ABCA13: variants seen among roughly 807,000 people sequenced by gnomAD.
The protein encoded by ABCA13 is ATP-binding cassette sub-family A member 13.
Under a neutral mutation model 478.7 loss-of-function variants are expected in ABCA13, and 476 were observed. The ratio of observed to expected loss-of-function variants is 0.99; its 90% CI spans 0.92 to 1.07. ABCA13 has a LOEUF of 1.07. Ranked by LOEUF, ABCA13 falls within the 50% of genes least tolerant of loss-of-function variation. The probability of loss-of-function intolerance (pLI) is 0.00; values close to 1 mark genes in which losing one functional copy is unlikely to be tolerated. For synonymous variants in ABCA13, 2,252 were observed against 2,158.9 expected (o/e 1.04, Z -1.20); for missense variants, 6,060 against 5,910.6 (o/e 1.03, Z -0.83).
chr7:48,584,001 A>G (rs148834367), intron 56 of ABCA13, among the ~76,000 whole-genome samples: 201 of 152,328 alleles, frequency 1.3e-3, no homozygotes, highest in African/African-American at 4.7e-3. Context: ...AAAACATGAC[A>G]TATGTTTCCT....
chr7:48,279,945 T>C (rs1199291526), intron 18 of ABCA13, 25 bp downstream of exon 18: 2 of 1,500,000 alleles, frequency 1.3e-6, no homozygotes, highest in African/African-American at 1.4e-5. Flanking sequence ...GAATTCACTT[T>C]GTTTTTTTCT....
chr7:48,345,434 G>A (rs1306704040), intron 29 of ABCA13, among the ~76,000 whole-genome samples: 2 of 152,164 alleles, frequency 1.3e-5, no homozygotes, highest in African/African-American at 2.4e-5. Flanking sequence ...GGGACAAGAG[G>A]TGGAGGTGGA....
chr7:48,392,063 C>A lies in ABCA13; in HGVS notation c.11797C>A (p.Arg3933=), dbSNP rs755420119. 2 of 1,613,792 alleles carry A rather than the reference C, an allele frequency of 1.2e-6. No individual in the cohort carries two copies. Among genetic ancestry groups the A allele is most frequent in the African/African-American group, 1.3e-5 (1 of 74,890 alleles). ...QDILLDNLTV[R]EHLLLFASIK... ...CATCCTGTTGGACAACCTCACCGTC[C>A]GGGAACATTTGCTGCTCTTTGCTTC... The change falls in exon 38 of 62, where the codon CGG becomes AGG. Residue 3933 remains arginine (R), a synonymous_variant. Coordinates refer to ENST00000435803, the MANE Select transcript of ABCA13 (RefSeq NM_152701.5).
At chr7:48,372,871 C>T (rs953848123) in intron 33 of ABCA13, among the ~76,000 whole-genome samples, 5 of 152,178 alleles carry the variant, frequency 3.3e-5, no homozygotes, top group Non-Finnish European at 5.9e-5. Flanking sequence ...TTATGAATTA[C>T]ATCACATTAA....
In ABCA13 at chr7:48,580,907, A is replaced by AC. The variant is rs537582996; in HGVS notation, c.14505+538dup. On this transcript the variant is annotated intron_variant, in intron 56 of 61. Transcript: ENST00000435803. ...GAATGAAGGAGTGGCAGAAACTGAG[A>AC]CCCCCACCTCCATCACTGCCTGTGA... 3.7e-4 allele frequency among the ~76,000 whole-genome samples: 56 copies of AC among 151,704 alleles called. No individual in the cohort carries two copies. The East Asian group carries it at 7.6e-3, about 21-fold the overall frequency.
chr7:48,196,118 G>A (rs1797895280), intron 2 of ABCA13, among the ~76,000 whole-genome samples: 1 of 152,152 alleles, frequency 6.6e-6, no homozygotes, highest in Non-Finnish European at 1.5e-5. Context: ...AATTGTGAAT[G>A]ATTTAGTTGT....
rs148629439 is a variant in ABCA13, at chr7:48,295,854, A to C, written c.9110A>C (p.His3037Pro). Residue 3037 changes from histidine (H) to proline (P), a missense_variant, in exon 21 of 62, where the codon CAC becomes CCC. Transcript: ENST00000435803. ...SQPRLETVQQ[H>P]LYMLAKSLEE... is the part of the protein sequence containing the mutation. ...CCGAGGCTGGAGACGGTGCAGCAGC[A>C]CTTGTACATGTATGCTCTGATATTC... The C allele has an allele frequency of 4.3e-6, 7 of 1,611,322 alleles. No individual in the cohort carries two copies. Among genetic ancestry groups the C allele is most frequent in the Middle Eastern group, 1.6e-4 (1 of 6,070 alleles).
At chr7:48,355,161 A>C (rs1809685540) in intron 31 of ABCA13, among the ~76,000 whole-genome samples, 1 of 149,540 alleles carries the variant, frequency 6.7e-6, no homozygotes, top group African/African-American at 2.4e-5. Flanking sequence ...GGAAGCAGGA[A>C]GTGCCGTGGA....
intron 29 of ABCA13, among the ~76,000 whole-genome samples, chr7:48,346,372 T>G (rs1584947447): frequency 6.6e-6 from 1 of 152,156 alleles, no homozygotes; most frequent in East Asian, 1.9e-4. Context: ...GCAGTTAAAT[T>G]GTTTAACCAC....
chr7:48,539,147 G>A (rs1213493063), intron 55 of ABCA13, among the ~76,000 whole-genome samples: 1 of 152,124 alleles, frequency 6.6e-6, no homozygotes, highest in African/African-American at 2.4e-5. Context: ...TTGGGAGGCT[G>A]TGGCGGGCGA....
In ABCA13 at chr7:48,248,161, A is replaced by G. The variant is rs1584428017; in HGVS notation, c.1660-78A>G. On this transcript the variant is annotated intron_variant, in intron 13 of 61. Coordinates refer to ENST00000435803, the MANE Select transcript of ABCA13 (RefSeq NM_152701.5). ...GAGTGGACCCCTTGTTTAGTGATAC[A>G]GGGTCAAGGCTGCGTCTCAAATACC... The G allele has an allele frequency of 2.5e-6, 3 of 1,222,880 alleles. No individual in the cohort carries two copies. In the East Asian group the frequency reaches 7.6e-5, roughly 31 times the overall value. The allele number at this position is 1,222,880 out of a possible 1,614,324, so 75.8% of individuals were successfully genotyped here. A position where few individuals can be genotyped will look rare whatever the true frequency, so the allele number is the denominator to read the frequency against.
rs780760746 is a variant in ABCA13, at chr7:48,335,499, G to A, written c.10077G>A (p.Gln3359=). ...TGCTGGAAATGTCCAGCCTTTTCCA[G>A]AGAAGTGGAAGTGGCCAGATGTTCA... ...ETLLEMSSLF[Q]RSGSGQMFNQ... Residue 3359 remains glutamine, a synonymous_variant, in exon 28 of 62, where the codon CAG becomes CAA. Coordinates refer to ENST00000435803, the MANE Select transcript of ABCA13 (RefSeq NM_152701.5). 2.2e-5 allele frequency: 36 copies of A among 1,613,574 alleles called. No individual in the cohort carries two copies. Among genetic ancestry groups the A allele is most frequent in the Middle Eastern group, 1.6e-4 (1 of 6,084 alleles).
chr7:48,201,936 C>T (rs1238229002), intron 3 of ABCA13, among the ~76,000 whole-genome samples: 1 of 151,606 alleles, frequency 6.6e-6, no homozygotes, highest in East Asian at 1.9e-4. Context: ...GTCTCGCTGG[C>T]TCAGGAGTGA....
At position 48,272,134 on chromosome 7, in the gene ABCA13, T is replaced by C. The variant is rs1270083274; in HGVS notation, c.2468T>C (p.Ile823Thr). Residue 823 changes from isoleucine (I) to threonine (T), a missense_variant, in exon 17 of 62, where the codon ATA becomes ACA. Physicochemically the swap from Ile to Thr is moderately conservative, Grantham distance 89 (BLOSUM62 -1). Coordinates refer to ENST00000435803, the MANE Select transcript of ABCA13 (RefSeq NM_152701.5). ...RKEPKNLLRF[I>T]ELILFEINPK... ...GAACCAAAAAATCTTTTGAGATTCATAGAATTAATACTTTTTGAAATTAAT... is the reference window on the plus strand; with the variant it reads ...GAACCAAAAAATCTTTTGAGATTCACAGAATTAATACTTTTTGAAATTAAT... 2.5e-6 allele frequency: 4 copies of C among 1,613,330 alleles called. No individual in the cohort carries two copies. Among genetic ancestry groups the C allele is most frequent in the Non-Finnish European group, 3.4e-6 (4 of 1,179,592 alleles).
chr7:48,230,065 C>T (rs1047610797), intron 7 of ABCA13, 110 bp downstream of exon 7: 1 of 1,298,538 alleles, frequency 7.7e-7, no homozygotes, highest in African/African-American at 1.5e-5. Context: ...ATTAAAATTT[C>T]AAATTCAAAA....
chr7:48,335,583 G>C, intron 28 of ABCA13, 48 bp downstream of exon 28: 3 of 1,481,248 alleles, frequency 2.0e-6, no homozygotes, highest in Non-Finnish European at 2.8e-6. Flanking sequence ...TACTGCTAGG[G>C]CATGTCCGAG....
At chr7:48,551,886 C>T (rs117646087) in intron 55 of ABCA13, among the ~76,000 whole-genome samples, 3 of 151,764 alleles carry the variant, frequency 2.0e-5, no homozygotes, top group Non-Finnish European at 2.9e-5. Context: ...TGGGCATTAT[C>T]CTACTGTCTT....
chr7:48,417,524 T>TA (rs1244155905), intron 41 of ABCA13, among the ~76,000 whole-genome samples: 1 of 151,920 alleles, frequency 6.6e-6, no homozygotes, highest in Non-Finnish European at 1.5e-5. Context: ...ATTTTAATTT[T>TA]AAAAACCTTT....
chr7:48,276,426 G>A lies in ABCA13; in HGVS notation c.6760G>A (p.Val2254Ile). 6.4e-7 allele frequency: 1 copy of A among 1,569,928 alleles called. No homozygotes were observed. ...GCAGTCAGAAACTAGTAGGAAAACA[G>A]TTCTCTCTCTGAGAAGCATAGTAGA... ...HMQSETSRKT[V>I]LSLRSIVDFT... is the part of the protein sequence containing the mutation. The change falls in exon 17 of 62, where the codon GTT (valine) becomes ATT (isoleucine). Residue 2254 changes from valine (V) to isoleucine (I), a missense_variant. By Grantham distance (29) the Val-to-Ile change is conservative. Transcript: ENST00000435803.
Sources: gnomAD v4.1 joint callset for allele counts (sites outside exome capture counted in the v4.1 genomes callset) on GRCh38, gnomAD v4.1.1 for gene constraint, MANE v1.5 for transcripts, NCBI Gene and HGNC (gene_info 2026-07-23, HGNC 2026-07-21) for gene names.